NPIPB2: variants seen among roughly 807,000 people sequenced by gnomAD.
The protein encoded by NPIPB2 is nuclear pore complex-interacting protein family member B2.
Under a neutral mutation model 30.8 loss-of-function variants are expected in NPIPB2, and 27 were observed. The observed-to-expected ratio is 0.88, with a 90% CI of 0.65 to 1.21. NPIPB2 has a LOEUF of 1.21. Among genes scored for constraint, NPIPB2 ranks in the 50% most tolerant of loss-of-function variants. The probability of loss-of-function intolerance (pLI) is 0.00; values close to 1 mark genes in which losing one functional copy is unlikely to be tolerated. For synonymous variants in NPIPB2, 147 were observed against 162.0 expected, an observed-to-expected ratio of 0.91 and a Z score of 0.70; for missense variants, 440 against 446.2, an observed-to-expected ratio of 0.99 and a Z score of 0.13.
At position 11,971,651 on chromosome 16, in the gene NPIPB2, A is replaced by T. The variant is rs568908736; in HGVS notation, c.-584+4917T>A. Among the ~76,000 whole-genome samples the T allele has an allele frequency of 4.6e-5, 7 of 151,878 alleles. No individual in the cohort carries two copies. In the South Asian group the frequency reaches 1.5e-3, roughly 32 times the overall value. On this transcript the variant is annotated intron_variant, in intron 1 of 5. Coordinates refer to the NPIPB2 transcript ENST00000538896. Reference sequence around the variant, plus strand: ...CTGGGATTACAACTGTGCGGCACCAAGCTCAGCTAATTTTTGTATTTTTAG... The same window carrying T: ...CTGGGATTACAACTGTGCGGCACCATGCTCAGCTAATTTTTGTATTTTTAG...
In NPIPB2 at chr16:11,953,185, G is replaced by A. The variant is rs899550200; in HGVS notation, c.-583-11071C>T. Among the ~76,000 whole-genome samples the A allele has an allele frequency of 7.9e-5, 12 of 151,882 alleles. 2 individuals are homozygous for A. The highest frequency in any genetic ancestry group is 7.2e-4 in the Admixed American group (11 of 15,224). ...TTTCAAGGTGGAGTCTCACTTTGTT[G>A]CTCAGCCTGGAGTGCAGTGGCGCAA... On this transcript the variant is annotated intron_variant, in intron 1 of 5. Transcript: ENST00000538896.
chr16:11,972,140 T>C (rs2055239712), intron 1 of NPIPB2, among the ~76,000 whole-genome samples: 1 of 151,272 alleles, frequency 6.6e-6, no homozygotes, highest in Non-Finnish European at 1.5e-5. Context: ...AATGCGAGAC[T>C]CTGTCTCAAA....
At position 11,967,704 on chromosome 16, in the gene NPIPB2, G is replaced by A. The variant is rs199855585; in HGVS notation, c.-584+8864C>T. The stretch of plus-strand genomic sequence containing the variant: ...AGACTGCATCAAGAGCAAACCGAAG[G>A]TCGACTCTGACCATTGCTTTCCACT... On this transcript the variant is annotated intron_variant, in intron 1 of 5. Coordinates refer to the NPIPB2 transcript ENST00000538896. 13 of 1,614,058 alleles carry A rather than the reference G, an allele frequency of 8.1e-6. No homozygotes were observed. The highest frequency in any genetic ancestry group is 1.0e-5 in the Non-Finnish European group (12 of 1,180,052).
upstream of NPIPB2, among the ~76,000 whole-genome samples, chr16:11,945,891 C>T (rs1475775194): frequency 6.6e-6 from 1 of 151,766 alleles, no homozygotes; most frequent in Non-Finnish European, 1.5e-5. Flanking sequence ...CTGTCTCTTT[C>T]TTTCTCTGTC....
chr16:11,929,934 T>G (rs1389919707), intron 5 of NPIPB2, among the ~76,000 whole-genome samples: 1 of 135,634 alleles, frequency 7.4e-6, no homozygotes, highest in Non-Finnish European at 1.6e-5. Flanking sequence ...GCTGTATTGA[T>G]TCCTCCTCTT....
At chr16:11,966,261 T>C in intron 1 of NPIPB2, 1 of 1,614,078 alleles carries the variant, frequency 6.2e-7, no homozygotes, top group Non-Finnish European at 8.5e-7. Flanking sequence ...AGCTTAATAA[T>C]TTCTTTGGCA....
At chr16:11,966,222 A>G (rs1439994678) in intron 1 of NPIPB2, 1 of 1,613,868 alleles carries the variant, frequency 6.2e-7, no homozygotes. Flanking sequence ...AAAGGAACGA[A>G]TGCGATTCTC....
intron 1 of NPIPB2, among the ~76,000 whole-genome samples, chr16:11,950,252 T>A (rs529718382): frequency 1.3e-5 from 2 of 152,128 alleles, no homozygotes; most frequent in Non-Finnish European, 2.9e-5. Flanking sequence ...GCTGGGCTTG[T>A]CTTGAACTCC....
chr16:11,952,559 C>A (rs1245501103), intron 1 of NPIPB2, among the ~76,000 whole-genome samples: 1 of 111,012 alleles, frequency 9.0e-6, no homozygotes, highest in Non-Finnish European at 1.7e-5. Flanking sequence ...GGCCATCTTT[C>A]TTTCTCTTTT....
At chr16:11,939,491 C>G (rs1350200919) in intron 1 of NPIPB2, among the ~76,000 whole-genome samples, 1 of 122,936 alleles carries the variant, frequency 8.1e-6, no homozygotes, top group Non-Finnish European at 1.7e-5. Context: ...ACCCGGGAGG[C>G]AGAGGTTGCA....
rs200259946 is a variant in NPIPB2 at position 11,951,477 on chromosome 16, AG to A, written c.-583-9364del. ...GACTGTCTCAAAAAAAAAAAAAAAA[AG>A]AAAGAAAAGAAAAATTAACATTACT... On this transcript the variant is annotated intron_variant, in intron 1 of 5. Transcript: ENST00000538896. Among the ~76,000 whole-genome samples, 78 of 145,494 alleles carry A rather than the reference AG, an allele frequency of 5.4e-4. 8 individuals are homozygous for A. Among genetic ancestry groups the A allele is most frequent in the South Asian group, 2.9e-3 (13 of 4,458 alleles).
At chr16:11,954,349 AAGCCTATAATCCCAGCTAC>A (rs2055092404) in intron 1 of NPIPB2, among the ~76,000 whole-genome samples, 3 of 151,960 alleles carry the variant, frequency 2.0e-5, no homozygotes, top group Admixed American at 2.0e-4. Flanking sequence ...TCGTGGTTGC[AAGCCTATAATCCCAGCTAC>A]TGGGGAGGCT....
intron 4 of NPIPB2, among the ~76,000 whole-genome samples, chr16:11,930,925 C>CTGTT (rs2054782542): frequency 1.9e-5 from 2 of 106,898 alleles, no homozygotes; most frequent in African/African-American, 7.4e-5. Context: ...AAAAACCAGA[C>CTGTT]CTCACCAATT....
chr16:11,927,478 T>C (rs1347050207), exon 8 of NPIPB2: 1 of 1,255,360 alleles, frequency 8.0e-7, no homozygotes, highest in Non-Finnish European at 1.1e-6. Flanking sequence ...TGGGTTCGGG[T>C]GGTGATTCCA....
chr16:11,975,372 C>T (rs1370588102), intron 1 of NPIPB2, among the ~76,000 whole-genome samples: 6 of 150,006 alleles, frequency 4.0e-5, no homozygotes, highest in African/African-American at 1.5e-4. Context: ...TGGTCTCGAT[C>T]TCCTGACCTC....
chr16:11,947,063 A>G (rs1477041531), intron 1 of NPIPB2, among the ~76,000 whole-genome samples: 2 of 96,306 alleles, frequency 2.1e-5, no homozygotes, highest in Admixed American at 1.0e-4. Flanking sequence ...TATATATGGT[A>G]TATATATAAA....
chr16:11,952,082 C>T (rs1367626078), intron 1 of NPIPB2, among the ~76,000 whole-genome samples: 1 of 151,260 alleles, frequency 6.6e-6, no homozygotes, highest in Admixed American at 6.6e-5. Context: ...TGGCGTGAAC[C>T]CAGGAGGCGG....
At chr16:11,941,080 G>A in intron 1 of NPIPB2, 1 of 1,330,972 alleles carries the variant, frequency 7.5e-7, no homozygotes, top group Admixed American at 2.3e-5. Context: ...CTAAAGTGCT[G>A]GGATTACAGG....
intron 2 of NPIPB2, among the ~76,000 whole-genome samples, chr16:11,934,247 C>CAG (rs2054834525): frequency 6.8e-6 from 1 of 147,896 alleles, no homozygotes; most frequent in African/African-American, 2.5e-5. Flanking sequence ...CACACACACA[C>CAG]ACACACACAC....
Sources: gnomAD v4.1 joint callset for allele counts (sites outside exome capture counted in the v4.1 genomes callset) on GRCh38, gnomAD v4.1.1 for gene constraint, MANE v1.5 for transcripts, NCBI Gene and HGNC (gene_info 2026-07-23, HGNC 2026-07-21) for gene names.